Variants in NRAP observed in about 807,000 individuals in gnomAD.
NRAP encodes nebulin-related-anchoring protein.
A neutral mutation model predicts 225.9 loss-of-function variants in NRAP; 189 were observed. That is an observed-to-expected ratio of 0.84 (90% CI 0.74 to 0.94). The LOEUF is 0.94. NRAP is among the 40% of genes least tolerant of loss of function. The pLI, the probability that NRAP is intolerant of heterozygous loss-of-function variation, is 0.00. For missense variants in NRAP, 2,176 were observed against 2,168.7 expected (o/e 1.00, Z -0.07); for synonymous variants, 769 against 790.7 (o/e 0.97, Z 0.46).
chr10:113,588,933 A>G lies in NRAP; in HGVS notation c.*42T>C. Reference sequence around the variant, plus strand: ...CATCTGAAGCCTGTCTCTGGTGAACAAACTTCCTCTCTGGCCTCTCAGGAA... The same window carrying G: ...CATCTGAAGCCTGTCTCTGGTGAACGAACTTCCTCTCTGGCCTCTCAGGAA... On this transcript the variant is annotated 3_prime_UTR_variant, in exon 42 of 42. Transcript: ENST00000359988. The G allele has an allele frequency of 6.5e-7, 1 of 1,528,992 alleles. No homozygotes were observed. Among genetic ancestry groups the G allele is most frequent in the Non-Finnish European group, 9.1e-7 (1 of 1,104,142 alleles). The allele number at this position is 1,528,992 out of a possible 1,614,324, so 94.7% of individuals were successfully genotyped here.
rs149752311 is a variant in NRAP, at chr10:113,650,042, C to A, written c.883G>T (p.Gly295Cys). The change falls in exon 9 of 42, where the codon GGC becomes TGC. Residue 295 changes from glycine to cysteine, a missense_variant. This residue lies in a region of NRAP where 1,708 missense variants were observed against 1,695.5 expected (regional missense o/e 1.01). Coordinates refer to ENST00000359988, the MANE Select transcript of NRAP (RefSeq NM_198060.4). ...ILTRECADQY[G>C]QGYPEEYEEH... ...GAGATCATTTTATCACATACCTGGC[C>A]ATATTGGTCTGCACATTCCCTTGTC... 15 of 1,564,242 alleles carry A rather than the reference C, an allele frequency of 9.6e-6. No individual in the cohort carries two copies. Among genetic ancestry groups the A allele is most frequent in the Admixed American group, 3.3e-5 (2 of 59,924 alleles).
At position 113,605,778 on chromosome 10, in the gene NRAP, CCA is replaced by C; in HGVS notation, c.3897_3898del (p.Gly1300ArgfsTer5). 6.2e-7 allele frequency: 1 copy of C among 1,612,894 alleles called. No homozygotes were observed. Among genetic ancestry groups the C allele is most frequent in the Non-Finnish European group, 8.5e-7 (1 of 1,178,842 alleles). Reference sequence around the variant, plus strand: ...TCAACTCACATCACTGGCTATATCTCCAGAGGCCCGGGCAGCCTGGAAGGGGA... The same window carrying C: ...TCAACTCACATCACTGGCTATATCTCGAGGCCCGGGCAGCCTGGAAGGGGA... On this transcript the variant is annotated frameshift_variant, in exon 34 of 42. Coordinates refer to ENST00000359988, the MANE Select transcript of NRAP (RefSeq NM_198060.4). LOFTEE classifies it high-confidence loss of function.
chr10:113,651,783 T>G lies in NRAP; in HGVS notation c.675+20A>C. 5 of 1,493,420 alleles carry G rather than the reference T, an allele frequency of 3.3e-6. No homozygotes were observed. The highest frequency in any genetic ancestry group is 4.7e-6 in the Non-Finnish European group (5 of 1,070,894). The allele number at this position is 1,493,420 out of a possible 1,614,324, so 92.5% of individuals were successfully genotyped here. A position where few individuals can be genotyped will look rare whatever the true frequency, so the allele number is the denominator to read the frequency against. ...ACCCAAATGCCCATCAGTGATGGAC[T>G]GGCCTCCCTCCTTTCTTACATCACT... On this transcript the variant is annotated intron_variant, in intron 7 of 41. Transcript: ENST00000359988.
chr10:113,640,890 C>G (rs568103607), intron 13 of NRAP, among the ~76,000 whole-genome samples: 2 of 152,016 alleles, frequency 1.3e-5, no homozygotes, highest in Admixed American at 1.3e-4. Context: ...AGGACTTGAT[C>G]TACTCTGTTA....
intron 35 of NRAP, among the ~76,000 whole-genome samples, chr10:113,599,484 G>A (rs1008534058): frequency 1.3e-5 from 2 of 152,170 alleles, no homozygotes; most frequent in Non-Finnish European, 2.9e-5. Context: ...CTTCACAGCC[G>A]GGCCTTGCTC....
At chr10:113,596,952 A>G (rs1846314893) in intron 37 of NRAP, 134 bp downstream of exon 37, 1 of 641,000 alleles carries the variant, frequency 1.6e-6, no homozygotes. Context: ...TTACACACCC[A>G]TCTGTCCAGA....
At chr10:113,633,712 T>G (rs932578866) in intron 15 of NRAP, among the ~76,000 whole-genome samples, 2 of 152,230 alleles carry the variant, frequency 1.3e-5, no homozygotes, top group Admixed American at 1.3e-4. Flanking sequence ...TGATGTGATA[T>G]GTTAAAATTA....
In NRAP at chr10:113,621,900, C is replaced by A. The variant is rs1299189901; in HGVS notation, c.2738G>T (p.Trp913Leu). 1.2e-6 allele frequency: 2 copies of A among 1,613,176 alleles called. No homozygotes were observed. Among genetic ancestry groups the A allele is most frequent in the Non-Finnish European group, 1.7e-6 (2 of 1,179,310 alleles). ...TALPTDMKVE[W>L]AKKAYGLQSD... Reference sequence around the variant, plus strand: ...CTGTAAGCCATAAGCCTTCTTGGCCCATTCCACCTTCATGTCTGTGGGCAA... The same window carrying A: ...CTGTAAGCCATAAGCCTTCTTGGCCAATTCCACCTTCATGTCTGTGGGCAA... Residue 913 changes from tryptophan (W) to leucine (L), a missense_variant, in exon 24 of 42, where the codon TGG (tryptophan) becomes TTG (leucine). Transcript: ENST00000359988.
chr10:113,648,437 TTC>T (rs376144953), intron 9 of NRAP, among the ~76,000 whole-genome samples: 1,113 of 66,038 alleles, frequency 0.017, 17 homozygotes, highest in African/African-American at 0.031. Context: ...TTATTTTAGT[TTC>T]TCTCTCTCTC....
At chr10:113,647,154 C>T in intron 9 of NRAP, 127 bp from the exon 10 acceptor site, 1 of 679,562 alleles carries the variant, frequency 1.5e-6, no homozygotes, top group Non-Finnish European at 2.7e-6. Context: ...CACTGATGTC[C>T]ATGTGGTAGT....
intron 4 of NRAP, among the ~76,000 whole-genome samples, chr10:113,656,694 A>G (rs1850328045): frequency 6.6e-6 from 1 of 152,240 alleles, no homozygotes; most frequent in African/African-American, 2.4e-5. Flanking sequence ...GTTGAAGTAA[A>G]GAATGGTTAA....
At chr10:113,602,902 T>G (rs578116322) in intron 35 of NRAP, among the ~76,000 whole-genome samples, 3 of 152,210 alleles carry the variant, frequency 2.0e-5, no homozygotes, top group South Asian at 4.1e-4. Context: ...TTAGGGGCAT[T>G]TGTTGTCACA....
rs948355071 is a variant in NRAP, at chr10:113,590,517, C to A, written c.4956+61G>T. The A allele has an allele frequency of 2.3e-5, 35 of 1,521,566 alleles. No individual in the cohort carries two copies. The Admixed American group carries it at 5.7e-4, about 25-fold the overall frequency. 94.3% of individuals were successfully genotyped at this position (1,521,566 alleles called of 1,614,324 possible). ...CTAACAATGGAACGTGGCATTATGG[C>A]CATCTCTTAGGAAGAGGCACCAGGG... is the stretch of plus-strand genomic sequence containing the variant. On this transcript the variant is annotated intron_variant, in intron 40 of 41. Coordinates refer to ENST00000359988, the MANE Select transcript of NRAP (RefSeq NM_198060.4).
At chr10:113,602,010 C>A (rs1846634734) in intron 35 of NRAP, among the ~76,000 whole-genome samples, 1 of 152,174 alleles carries the variant, frequency 6.6e-6, no homozygotes, top group Admixed American at 6.5e-5. Context: ...CTCAGCCTCC[C>A]AAGTAGCTGG....
Position 113,654,065 on chromosome 10 carries a change from G to C in NRAP, c.421C>G (p.Pro141Ala). 3 of 1,613,682 alleles carry C rather than the reference G, an allele frequency of 1.9e-6. No homozygotes were observed. Among genetic ancestry groups the C allele is most frequent in the African/African-American group, 1.3e-5 (1 of 74,932 alleles). ...NAWCPGALPD[P>A]EIVRMVEARK... ...GCCTCAACCATCCTTACAATTTCGG[G>C]GTCTGGCAGAGCTCCTGGGCACCAA... The change falls in exon 5 of 42, where the codon CCC becomes GCC. Residue 141 changes from proline (P) to alanine (A), a missense_variant. By Grantham distance (27) the Pro-to-Ala change is conservative. Coordinates refer to ENST00000359988, the MANE Select transcript of NRAP (RefSeq NM_198060.4).
In NRAP at chr10:113,651,887, A is replaced by G; in HGVS notation, c.591T>C (p.His197=). The change falls in exon 7 of 42, where the codon CAT becomes CAC. Residue 197 remains histidine (H), a synonymous_variant. Coordinates refer to ENST00000359988, the MANE Select transcript of NRAP (RefSeq NM_198060.4). ...LASQVEYKRG[H]DERISRFSTV... Reference sequence around the variant, plus strand: ...TGGAGAACCTGGAGATGCGTTCATCATGCCCTCTCTTATACTCCACCTGAT... The same window carrying G: ...TGGAGAACCTGGAGATGCGTTCATCGTGCCCTCTCTTATACTCCACCTGAT... 6.2e-7 allele frequency: 1 copy of G among 1,612,430 alleles called. No individual in the cohort carries two copies. Among genetic ancestry groups the G allele is most frequent in the Non-Finnish European group, 8.5e-7 (1 of 1,178,574 alleles).
intron 14 of NRAP, among the ~76,000 whole-genome samples, chr10:113,634,783 C>T (rs970429113): frequency 1.3e-5 from 2 of 152,032 alleles, no homozygotes; most frequent in East Asian, 1.9e-4. Flanking sequence ...TTCCTATATA[C>T]GTCTTATACT....
At chr10:113,627,285 C>CTATG (rs1848339959) in intron 20 of NRAP, among the ~76,000 whole-genome samples, 1 of 152,228 alleles carries the variant, frequency 6.6e-6, no homozygotes, top group African/African-American at 2.4e-5. Flanking sequence ...TTAACCCAGA[C>CTATG]TATGCATTGG....
intron 41 of NRAP, 177 bp downstream of exon 41, chr10:113,589,489 G>A (rs1018007480): frequency 6.6e-5 from 46 of 695,800 alleles, no homozygotes; most frequent in African/African-American, 1.8e-4. Flanking sequence ...TTTAACCTGC[G>A]TGTCATCTGC....
Sources: allele counts gnomAD v4.1 joint callset (sites outside exome capture counted in the v4.1 genomes callset), GRCh38; gene constraint gnomAD v4.1.1; regional missense constraint gnomAD v4.1.1; transcripts MANE v1.5; gene names NCBI Gene and HGNC (gene_info 2026-07-23, HGNC 2026-07-21).